The following ADAMTS20 variants were observed in gnomAD, a reference collection of about 807,000 sequenced individuals.
ADAMTS20 encodes the protein ADAM metallopeptidase with thrombospondin type 1 motif 20.
ADAMTS20 carries 225 observed loss-of-function variants against 260.1 expected under a neutral mutation model. The ratio of observed to expected loss-of-function variants is 0.87; its 90% confidence interval spans 0.78 to 0.97. The LOEUF (loss-of-function observed/expected upper bound fraction) is 0.97, where lower values mean the gene tolerates loss of function less well. Among genes scored for constraint, ADAMTS20 ranks in the 50% least tolerant of loss-of-function variants. The pLI, the probability that ADAMTS20 is intolerant of heterozygous loss-of-function variation, is 0.00. For synonymous variants in ADAMTS20, 802 were observed against 769.5 expected (o/e 1.04, Z -0.70); for missense variants, 2,400 against 2,337.7 (o/e 1.03, Z -0.55).
intron 38 of ADAMTS20, among the ~76,000 whole-genome samples, chr12:43,355,547 T>G (rs942338115): frequency 6.6e-6 from 1 of 152,158 alleles, no homozygotes. Flanking sequence ...AATACTAAAT[T>G]TCATTTATGA....
At chr12:43,518,868 C>G (rs1445590961) in intron 3 of ADAMTS20, among the ~76,000 whole-genome samples, 2 of 151,670 alleles carry the variant, frequency 1.3e-5, no homozygotes, top group Non-Finnish European at 2.9e-5. Context: ...ACTCTCAGCC[C>G]TCACCTACAA....
chr12:43,366,769 C>T (rs1939995829), intron 37 of ADAMTS20, among the ~76,000 whole-genome samples: 1 of 151,564 alleles, frequency 6.6e-6, no homozygotes, highest in Non-Finnish European at 1.5e-5. Flanking sequence ...CACAACATAC[C>T]AAATATTTTG....
At chr12:43,378,222 C>A (rs1450220565) in intron 31 of ADAMTS20, among the ~76,000 whole-genome samples, 4 of 152,162 alleles carry the variant, frequency 2.6e-5, no homozygotes, top group African/African-American at 7.2e-5. Flanking sequence ...AGATGAGAAA[C>A]AAAGTGACAC....
rs777369534 is a variant in ADAMTS20 at position 43,431,462 on chromosome 12, C to A, written c.3131G>T (p.Arg1044Leu). 5.0e-6 allele frequency: 8 copies of A among 1,613,814 alleles called. No homozygotes were observed. Among genetic ancestry groups the A allele is most frequent in the African/African-American group, 1.3e-5 (1 of 74,906 alleles). Residue 1044 changes from arginine to leucine, a missense_variant, in exon 22 of 39, where the codon CGG becomes CTG. Coordinates refer to ENST00000389420, the MANE Select transcript of ADAMTS20 (RefSeq NM_025003.5). ...TACATTCAGCTGACACCATACCTGC[C>A]GCTGCTTTGTTCCTTTACCACATGT... ...LVTCGKGTKQ[R>L]QVWCQLNVDH...
chr12:43,413,817 G>A (rs560298463), intron 28 of ADAMTS20, among the ~76,000 whole-genome samples: 46 of 152,194 alleles, frequency 3.0e-4, no homozygotes, highest in African/African-American at 1.1e-3. Context: ...TGATTGAGAA[G>A]AAAATTCATT....
At chr12:43,396,713 C>T (rs528142673) in intron 29 of ADAMTS20, among the ~76,000 whole-genome samples, 7 of 152,246 alleles carry the variant, frequency 4.6e-5, no homozygotes, top group South Asian at 2.1e-4. Context: ...AAATATGTTC[C>T]TTTAGCAGAT....
intron 7 of ADAMTS20, among the ~76,000 whole-genome samples, chr12:43,472,487 G>T (rs1180066205): frequency 2.2e-5 from 3 of 134,156 alleles, no homozygotes; most frequent in Admixed American, 1.5e-4. Flanking sequence ...TACAGAGAAC[G>T]CCACAAAGAT....
chr12:43,378,102 G>A (rs1940270040), intron 31 of ADAMTS20, among the ~76,000 whole-genome samples: 1 of 152,126 alleles, frequency 6.6e-6, no homozygotes, highest in Non-Finnish European at 1.5e-5. Flanking sequence ...GAGTAACAAG[G>A]AATAGATTTA....
intron 29 of ADAMTS20, among the ~76,000 whole-genome samples, chr12:43,387,026 T>G (rs1057270712): frequency 6.6e-6 from 1 of 152,202 alleles, no homozygotes; most frequent in East Asian, 1.9e-4. Context: ...GTTTTGTTCC[T>G]TTGCTGGCGA....
At chr12:43,415,253 G>A (rs1407813941) in intron 28 of ADAMTS20, among the ~76,000 whole-genome samples, 2 of 152,056 alleles carry the variant, frequency 1.3e-5, no homozygotes, top group Non-Finnish European at 2.9e-5. Context: ...TGATGTTATT[G>A]GTTTGAGCAT....
At position 43,551,981 on chromosome 12, in the gene ADAMTS20, G is replaced by T. The variant is rs1038012602; in HGVS notation, c.-60C>A. On this transcript the variant is annotated 5_prime_UTR_variant, in exon 1 of 39. Coordinates refer to ENST00000389420, the MANE Select transcript of ADAMTS20 (RefSeq NM_025003.5). This position sits in a 1 kb window ranked among gnomAD's most constrained non-coding sequence, Gnocchi z 4.6. Reference sequence around the variant, plus strand: ...ACCAGAGCCGCCGGCAGCCAAGCCGGCTTCCCTCGCGCTCCGATCCCTCTC... The same window carrying T: ...ACCAGAGCCGCCGGCAGCCAAGCCGTCTTCCCTCGCGCTCCGATCCCTCTC... 4 of 1,446,360 alleles carry T rather than the reference G, an allele frequency of 2.8e-6. No homozygotes were observed. Among genetic ancestry groups the T allele is most frequent in the South Asian group, 1.1e-5 (1 of 87,540 alleles). 89.6% of individuals were successfully genotyped at this position (1,446,360 alleles called of 1,614,324 possible). A position where few individuals can be genotyped will look rare whatever the true frequency, so the allele number is the denominator to read the frequency against.
At chr12:43,485,209 C>T (rs1417409527) in intron 7 of ADAMTS20, among the ~76,000 whole-genome samples, 4 of 151,684 alleles carry the variant, frequency 2.6e-5, no homozygotes, top group Admixed American at 6.6e-5. Flanking sequence ...AAGAGTGCAT[C>T]GAAAACATAA....
intron 4 of ADAMTS20, among the ~76,000 whole-genome samples, chr12:43,497,909 T>G (rs1047426094): frequency 1.3e-5 from 2 of 152,172 alleles, no homozygotes; most frequent in Admixed American, 1.3e-4. Flanking sequence ...TGTGGAAGTC[T>G]TTAATACTTA....
At chr12:43,498,410 C>T (rs188196538) in intron 4 of ADAMTS20, among the ~76,000 whole-genome samples, 1 of 152,016 alleles carries the variant, frequency 6.6e-6, no homozygotes, top group African/African-American at 2.4e-5. Context: ...ATCCTGAAAG[C>T]ATTCCCCTAT....
At chr12:43,387,535 G>A (rs533872725) in intron 29 of ADAMTS20, among the ~76,000 whole-genome samples, 1 of 152,326 alleles carries the variant, frequency 6.6e-6, no homozygotes, top group South Asian at 2.1e-4. Flanking sequence ...GAGATCCACT[G>A]CTCTCTTCAG....
In ADAMTS20 at chr12:43,507,392, C is replaced by G. The variant is rs549666324; in HGVS notation, c.614-4987G>C. On this transcript the variant is annotated intron_variant, in intron 3 of 38. Transcript: ENST00000389420. ...ACTGGATATGATTTGCAATGTGGGA[C>G]TACAAGCGGCCCTCATCTAAGAAGA... Among the ~76,000 whole-genome samples, 3 of 152,256 alleles carry G rather than the reference C, an allele frequency of 2.0e-5. No homozygotes were observed. In the South Asian group the frequency reaches 6.2e-4, roughly 32 times the overall value.
rs61465679 is a variant in ADAMTS20 at position 43,421,282 on chromosome 12, C to CA, written c.4284+4231dup. ...GGTTCAAGTAGCAAGCTTTCATTTA[C>CA]AAAAAAAAAAAAAAAACTTTCTCTT... On this transcript the variant is annotated intron_variant, in intron 28 of 38. Transcript: ENST00000389420. Among the ~76,000 whole-genome samples, 266 of 118,858 alleles carry CA rather than the reference C, an allele frequency of 2.2e-3. 6 individuals carry two copies. Among genetic ancestry groups the CA allele is most frequent in the African/African-American group, 5.5e-3 (175 of 31,854 alleles). The allele number at this position is 118,858 out of a possible 152,430, so 78.0% of individuals were successfully genotyped here. A position where few individuals can be genotyped will look rare whatever the true frequency, so the allele number is the denominator to read the frequency against.
chr12:43,411,518 C>T (rs540544245), intron 28 of ADAMTS20, among the ~76,000 whole-genome samples: 17 of 151,960 alleles, frequency 1.1e-4, no homozygotes, highest in African/African-American at 3.9e-4. Flanking sequence ...CAGGCGCCCA[C>T]CACCACGCCC....
chr12:43,381,349 A>G (rs75107474), intron 31 of ADAMTS20, among the ~76,000 whole-genome samples: 1,837 of 152,284 alleles, frequency 0.012, 29 homozygotes, highest in African/African-American at 0.037. Flanking sequence ...ACTAAAACAA[A>G]AAACAAAATA....
Sources: allele counts gnomAD v4.1 joint callset (sites outside exome capture counted in the v4.1 genomes callset), GRCh38; gene constraint gnomAD v4.1.1; non-coding constraint Gnocchi (gnomAD v3.1); transcripts MANE v1.5; gene names NCBI Gene and HGNC (gene_info 2026-07-23, HGNC 2026-07-21).